SLC14A2: variants seen among roughly 807,000 people sequenced by gnomAD.
SLC14A2 encodes the protein solute carrier family 14 member 2.
In SLC14A2, 91 loss-of-function variants were observed where a neutral mutation model predicts 104.6. That is an observed-to-expected ratio of 0.87 (90% CI 0.73 to 1.04). The LOEUF (loss-of-function observed/expected upper bound fraction) is 1.04. Among genes scored for constraint, SLC14A2 ranks in the 50% least tolerant of loss-of-function variants. The probability of loss-of-function intolerance (pLI) is 0.00; values close to 1 mark genes in which losing one functional copy is unlikely to be tolerated. For missense variants in SLC14A2, 1,189 were observed against 1,156.0 expected (o/e 1.03, Z -0.41); for synonymous variants, 476 against 466.4 (o/e 1.02, Z -0.27).
chr18:45,388,058 T>C (rs1275124262), intron 1 of SLC14A2, among the ~76,000 whole-genome samples: 1 of 137,982 alleles, frequency 7.2e-6, no homozygotes, highest in Non-Finnish European at 1.5e-5. Flanking sequence ...CTCACCTTGC[T>C]CATATCTTTT....
chr18:45,381,144 T>C (rs1471218618), intron 1 of SLC14A2, among the ~76,000 whole-genome samples: 1 of 152,212 alleles, frequency 6.6e-6, no homozygotes, highest in Non-Finnish European at 1.5e-5. Context: ...TCTTCACAGA[T>C]GGAGCCAGCC....
At chr18:45,374,107 C>T (rs2085750133) in intron 1 of SLC14A2, among the ~76,000 whole-genome samples, 1 of 152,152 alleles carries the variant, frequency 6.6e-6, no homozygotes, top group African/African-American at 2.4e-5. Context: ...TCCTCACCTT[C>T]CTACCCAGCA....
At chr18:45,409,019 C>A (rs919281505) in intron 1 of SLC14A2, among the ~76,000 whole-genome samples, 1 of 152,146 alleles carries the variant, frequency 6.6e-6, no homozygotes, top group Non-Finnish European at 1.5e-5. Context: ...TTTCTTGGAC[C>A]GTTCACATAC....
At chr18:45,262,704 A>G (rs2084552239) in intron 1 of SLC14A2, among the ~76,000 whole-genome samples, 2 of 152,140 alleles carry the variant, frequency 1.3e-5, no homozygotes, top group African/African-American at 4.8e-5. Context: ...TCCAGGCACA[A>G]GGCCCGGTCC....
intron 16 of SLC14A2, among the ~76,000 whole-genome samples, chr18:45,670,586 G>A (rs543787137): frequency 3.9e-5 from 6 of 152,242 alleles, no homozygotes; most frequent in South Asian, 4.1e-4. Flanking sequence ...AAGCAACAGC[G>A]TGGTGTAGTA....
chr18:45,198,048 G>A, the SLC14A2 span, among the ~76,000 whole-genome samples: 1 of 152,104 alleles, frequency 6.6e-6, no homozygotes, highest in East Asian at 1.9e-4. Flanking sequence ...TAGAATATTG[G>A]TATAATAAGA....
intron 2 of SLC14A2, among the ~76,000 whole-genome samples, chr18:45,597,610 G>C (rs1428404370): frequency 6.6e-6 from 1 of 152,220 alleles, no homozygotes. Flanking sequence ...ATGGAGACCA[G>C]TAGGACATGG....
chr18:45,632,533 T>C, intron 5 of SLC14A2, 55 bp downstream of exon 5: 2 of 1,587,142 alleles, frequency 1.3e-6, no homozygotes, highest in South Asian at 1.2e-5. Context: ...AAGACACTTG[T>C]GTCTTATACT....
At chr18:45,478,498 A>G (rs951367429) in intron 1 of SLC14A2, among the ~76,000 whole-genome samples, 1 of 152,144 alleles carries the variant, frequency 6.6e-6, no homozygotes, top group African/African-American at 2.4e-5. Flanking sequence ...TGGTAACACA[A>G]TTTGGTACTT....
chr18:45,308,203 A>G (rs1210694634), intron 1 of SLC14A2, among the ~76,000 whole-genome samples: 1 of 152,202 alleles, frequency 6.6e-6, no homozygotes, highest in Non-Finnish European at 1.5e-5. Context: ...TGGAGGGATC[A>G]TACACCCAAA....
chr18:45,300,713 G>A (rs930652186), intron 1 of SLC14A2, among the ~76,000 whole-genome samples: 2 of 152,132 alleles, frequency 1.3e-5, no homozygotes, highest in Non-Finnish European at 2.9e-5. Flanking sequence ...TTAATCCTCT[G>A]AGCATCTCTG....
chr18:45,529,243 C>A (rs1449531944), intron 2 of SLC14A2: 1 of 152,188 alleles, frequency 6.6e-6, no homozygotes, highest in African/African-American at 2.4e-5. Flanking sequence ...ACAGTCAAAA[C>A]AGCTATTTAA....
At chr18:45,446,929 C>G (rs748558956) in intron 1 of SLC14A2, among the ~76,000 whole-genome samples, 1 of 152,182 alleles carries the variant, frequency 6.6e-6, no homozygotes, top group Non-Finnish European at 1.5e-5. Context: ...CCCTCTCCCC[C>G]TCCCCACCCT....
At chr18:45,640,021 C>T (rs942037412) in intron 7 of SLC14A2, 128 bp downstream of exon 7, 10 of 885,844 alleles carry the variant, frequency 1.1e-5, no homozygotes, top group African/African-American at 6.7e-5. Context: ...GAGACAGGCA[C>T]GGTGACTTAT....
chr18:45,682,293 G>T, intron 19 of SLC14A2, 26 bp from the exon 20 acceptor site: 1 of 1,610,662 alleles, frequency 6.2e-7, no homozygotes, highest in Non-Finnish European at 8.5e-7. Context: ...ATGTGACCAA[G>T]GCTTATCTGT....
intron 1 of SLC14A2, among the ~76,000 whole-genome samples, chr18:45,214,500 T>G (rs1228363629): frequency 1.3e-5 from 2 of 152,228 alleles, no homozygotes; most frequent in Non-Finnish European, 2.9e-5. Context: ...CTCTCAGTTC[T>G]GCTGCCTTTG....
intron 1 of SLC14A2, among the ~76,000 whole-genome samples, chr18:45,260,820 G>C (rs1053367552): frequency 2.0e-5 from 3 of 152,058 alleles, no homozygotes; most frequent in South Asian, 4.2e-4. Flanking sequence ...GGTAACAACA[G>C]ATACTGGGGA....
chr18:45,171,486 A>G, the SLC14A2 span, among the ~76,000 whole-genome samples: 1 of 152,170 alleles, frequency 6.6e-6, no homozygotes, highest in East Asian at 1.9e-4. Context: ...CTTGAATTAC[A>G]TGGAAATTTT....
intron 10 of SLC14A2, among the ~76,000 whole-genome samples, chr18:45,654,052 C>T (rs1325429333): frequency 3.3e-5 from 5 of 152,124 alleles, no homozygotes; most frequent in Admixed American, 3.3e-4. Flanking sequence ...GGAAACCTAC[C>T]TGATCCAACC....
Sources: allele counts gnomAD v4.1 joint callset (sites outside exome capture counted in the v4.1 genomes callset), GRCh38; gene constraint gnomAD v4.1.1; transcripts MANE v1.5; gene names NCBI Gene and HGNC (gene_info 2026-07-23, HGNC 2026-07-21).